Variants in CHD6 observed in about 807,000 individuals in gnomAD.
CHD6 encodes ATP-dependent chromatin remodeler CHD6.
A neutral mutation model predicts 276.9 loss-of-function variants in CHD6; 50 were observed. That is an observed-to-expected ratio of 0.18 (90% confidence interval 0.14 to 0.23). The LOEUF is 0.23. Among genes scored for constraint, CHD6 ranks in the 10% least tolerant of loss-of-function variants. The pLI is 1.00. For synonymous variants in CHD6, 1,173 were observed against 1,229.3 expected, an observed-to-expected ratio of 0.95 and a Z score of 0.96; for missense variants, 2,564 against 3,365.8, an observed-to-expected ratio of 0.76 and a Z score of 5.89.
chr20:41,475,961 C>T (rs1569118907), intron 16 of CHD6, among the ~76,000 whole-genome samples: 3 of 152,150 alleles, frequency 2.0e-5, no homozygotes, highest in South Asian at 2.1e-4. Context: ...TTCTCTATCA[C>T]TTGTTTAGTT....
chr20:41,588,934 A>C (rs2146255712), intron 1 of CHD6, among the ~76,000 whole-genome samples: 1 of 152,354 alleles, frequency 6.6e-6, no homozygotes, highest in Admixed American at 6.5e-5. Flanking sequence ...TTTTAGACCA[A>C]TATCCCTGAT....
chr20:41,443,247 T>G (rs556574577), intron 25 of CHD6, among the ~76,000 whole-genome samples: 1 of 152,330 alleles, frequency 6.6e-6, no homozygotes, highest in Non-Finnish European at 1.5e-5. Context: ...GGAGCGACCT[T>G]ATGTATCATC....
intron 16 of CHD6, among the ~76,000 whole-genome samples, chr20:41,478,364 ATGAATGAACAGAAAAACCTACC>A (rs2043213291): frequency 6.6e-6 from 1 of 152,170 alleles, no homozygotes; most frequent in Non-Finnish European, 1.5e-5. Context: ...AAAAACCAAA[ATGAATGAACAGAAAAACCTACC>A]TGAGGGCACT....
At chr20:41,423,855 C>G (rs2047276400) in intron 29 of CHD6, among the ~76,000 whole-genome samples, 155 bp from the exon 30 acceptor site, 1 of 152,198 alleles carries the variant, frequency 6.6e-6, no homozygotes, top group East Asian at 1.9e-4. Flanking sequence ...TTAAACTGGG[C>G]TGAAGGGCTT....
intron 1 of CHD6, among the ~76,000 whole-genome samples, chr20:41,589,370 C>A (rs1442111778): frequency 2.0e-5 from 3 of 152,100 alleles, no homozygotes; most frequent in African/African-American, 2.4e-5. Context: ...CTGGCCAGGG[C>A]AATCAGGCAG....
chr20:41,496,983 ATTAT>A (rs761677200), intron 8 of CHD6: 58 of 175,920 alleles, frequency 3.3e-4, no homozygotes, highest in Admixed American at 2.2e-4. Flanking sequence ...CATAAATAAA[ATTAT>A]TTATTTGTTT....
rs139728747 is a variant in CHD6 at position 41,505,726 on chromosome 20, T to G, written c.853-6369A>C. ...GATTTCTTCTCTTTTCTATCTGTAT[T>G]CATTCTCTTGGTGATCTCACTCAGT... is the stretch of plus-strand genomic sequence containing the variant. On this transcript the variant is annotated intron_variant, in intron 5 of 36. Transcript: ENST00000373233. Among the ~76,000 whole-genome samples, 396 of 152,304 alleles carry G rather than the reference T, an allele frequency of 2.6e-3. 2 individuals are homozygous for G. The highest frequency in any genetic ancestry group is 9.0e-3 in the African/African-American group (374 of 41,560).
intron 16 of CHD6, among the ~76,000 whole-genome samples, chr20:41,478,018 C>G (rs1469864049): frequency 6.6e-6 from 1 of 152,184 alleles, no homozygotes; most frequent in Non-Finnish European, 1.5e-5. Context: ...TTTCTCACCC[C>G]TCCCCCACAA....
chr20:41,595,505 G>C (rs1484376482), intron 1 of CHD6, among the ~76,000 whole-genome samples: 1 of 152,104 alleles, frequency 6.6e-6, no homozygotes, highest in Non-Finnish European at 1.5e-5. Flanking sequence ...CCTCCAGTGG[G>C]GTGGTTGAGC....
intron 1 of CHD6, among the ~76,000 whole-genome samples, chr20:41,558,011 G>A (rs1471485315): frequency 6.6e-6 from 1 of 152,140 alleles, no homozygotes; most frequent in Non-Finnish European, 1.5e-5. Flanking sequence ...ACTCATCTGG[G>A]AAGAGTGAGA....
At chr20:41,535,550 T>C (rs1255106736) in intron 2 of CHD6, among the ~76,000 whole-genome samples, 3 of 152,262 alleles carry the variant, frequency 2.0e-5, no homozygotes, top group Admixed American at 2.0e-4. Flanking sequence ...ACCAGCATGA[T>C]GGAACTTGGT....
At chr20:41,554,856 C>T (rs1339107439) in intron 1 of CHD6, among the ~76,000 whole-genome samples, 2 of 152,184 alleles carry the variant, frequency 1.3e-5, no homozygotes, top group African/African-American at 2.4e-5. Context: ...TCCACAAAAC[C>T]GCCATTGTCA....
intron 1 of CHD6, among the ~76,000 whole-genome samples, chr20:41,585,563 T>C (rs1373192049): frequency 6.7e-6 from 1 of 149,044 alleles, no homozygotes; most frequent in Admixed American, 6.7e-5. Context: ...CCTTTACCTA[T>C]GAAAGATGGT....
intron 1 of CHD6, among the ~76,000 whole-genome samples, chr20:41,601,916 G>A (rs2045777236): frequency 6.6e-6 from 1 of 152,116 alleles, no homozygotes; most frequent in Admixed American, 6.6e-5. Context: ...CCTGGCACCG[G>A]CACCAAATCT....
At chr20:41,517,512 G>C (rs1171296608) in intron 3 of CHD6, among the ~76,000 whole-genome samples, 1 of 152,152 alleles carries the variant, frequency 6.6e-6, no homozygotes, top group African/African-American at 2.4e-5. Context: ...GAGGATTACC[G>C]ATTTTTAACA....
chr20:41,484,630 G>A, intron 14 of CHD6, 23 bp from the exon 15 acceptor site: 1 of 1,612,420 alleles, frequency 6.2e-7, no homozygotes, highest in Non-Finnish European at 8.5e-7. Flanking sequence ...ATGAGACCTA[G>A]TTACCTGCCT....
chr20:41,417,338 T>G lies in CHD6; in HGVS notation c.6139A>C (p.Lys2047Gln). ...GNCHSQDYPG[K>Q]YSEEESKSST... Reference sequence around the variant, plus strand: ...CTCTTGCTCTCCTCTTCAGAGTACTTCCCTGGATAATCTGGGAAGAGGTTA... The same window carrying G: ...CTCTTGCTCTCCTCTTCAGAGTACTGCCCTGGATAATCTGGGAAGAGGTTA... Residue 2047 changes from lysine to glutamine, a missense_variant, in exon 32 of 37, where the codon AAG (lysine) becomes CAG (glutamine). Transcript: ENST00000373233. The G allele has an allele frequency of 1.2e-6, 2 of 1,612,550 alleles. No homozygotes were observed. The highest frequency in any genetic ancestry group is 1.7e-6 in the Non-Finnish European group (2 of 1,179,640).
intron 1 of CHD6, among the ~76,000 whole-genome samples, chr20:41,583,847 C>T (rs752529428): frequency 6.6e-6 from 1 of 151,832 alleles, no homozygotes; most frequent in African/African-American, 2.4e-5. Flanking sequence ...CTTGTAAATC[C>T]AAGGACAATC....
intron 27 of CHD6, among the ~76,000 whole-genome samples, chr20:41,437,071 C>T (rs150333623): frequency 2.0e-5 from 3 of 152,266 alleles, no homozygotes; most frequent in African/African-American, 4.8e-5. Flanking sequence ...CTGAAATATA[C>T]AGTTATCTCA....
Sources: gnomAD v4.1 joint callset for allele counts (sites outside exome capture counted in the v4.1 genomes callset) on GRCh38, gnomAD v4.1.1 for gene constraint, MANE v1.5 for transcripts, NCBI Gene and HGNC (gene_info 2026-07-23, HGNC 2026-07-21) for gene names.